The following CERS4 variants were observed in gnomAD, a reference collection of about 807,000 sequenced individuals.
The protein encoded by CERS4 is ceramide synthase 4, also known as LAG1 homolog, ceramide synthase 4.
Under a neutral mutation model 51.8 loss-of-function variants are expected in CERS4, and 65 were observed. The ratio of observed to expected loss-of-function variants is 1.26; its 90% CI spans 1.03 to 1.54. CERS4 has a LOEUF of 1.54. Among genes scored for constraint, CERS4 ranks in the 40% most tolerant of loss-of-function variants. The probability of loss-of-function intolerance (pLI) is 0.00; values close to 1 mark genes in which losing one functional copy is unlikely to be tolerated. For missense variants in CERS4, 563 were observed against 500.4 expected, an observed-to-expected ratio of 1.13 and a Z score of -1.19; for synonymous variants, 228 against 208.4, an observed-to-expected ratio of 1.09 and a Z score of -0.81.
intron 3 of CERS4, among the ~76,000 whole-genome samples, chr19:8,252,123 C>G (rs1249275410): frequency 6.6e-6 from 1 of 151,676 alleles, no homozygotes; most frequent in Non-Finnish European, 1.5e-5. Context: ...GTAATCCCAG[C>G]ACTTTGGGAG....
chr19:8,255,791 G>T lies in CERS4; in HGVS notation c.411-31G>T, dbSNP rs777433677. 5.6e-6 allele frequency: 9 copies of T among 1,613,422 alleles called. No homozygotes were observed. In the Admixed American group the frequency reaches 1.2e-4, roughly 21 times the overall value. ...CCGGGGTGGGGCGGGGCGGGTGTCT[G>T]CTATTTTCACAGCTCCCTCCCCATC... is the stretch of plus-strand genomic sequence containing the variant. On this transcript the variant is annotated intron_variant, in intron 5 of 11. Coordinates refer to ENST00000251363, the MANE Select transcript of CERS4 (RefSeq NM_024552.3).
At chr19:8,250,978 G>A (rs1287203247) in intron 2 of CERS4, 98 bp from the exon 3 acceptor site, 70 of 1,485,180 alleles carry the variant, frequency 4.7e-5, no homozygotes, top group Non-Finnish European at 6.3e-5. Flanking sequence ...GCTGATAGGG[G>A]CCCGAGTAGG....
At chr19:8,214,749 G>A (rs1428316287) in intron 2 of CERS4, among the ~76,000 whole-genome samples, 1 of 152,056 alleles carries the variant, frequency 6.6e-6, no homozygotes, top group Non-Finnish European at 1.5e-5. Flanking sequence ...GAGGAAGCTG[G>A]CAGGAGGAAG....
In CERS4 at chr19:8,254,614, G is replaced by T. The variant is rs752937801; in HGVS notation, c.289G>T (p.Glu97Ter). Residue 97 changes from glutamate to a stop codon, truncating the protein, a stop_gained and splice_region_variant, in exon 4 of 12, where the codon GAG (glutamate) becomes TAG (stop). Coordinates refer to ENST00000251363, the MANE Select transcript of CERS4 (RefSeq NM_024552.3). LOFTEE classifies it high-confidence loss of function. ...CCTCACGGAAGGGCACAGGCCCAAG[G>T]AGGTGAGAGCCCCCCATGCCCTCCG... The part of the protein sequence containing the change: ...HFLTEGHRPK[E>*]PQLSLLAAQC... 1.9e-6 allele frequency: 3 copies of T among 1,605,642 alleles called. No homozygotes were observed. The highest frequency in any genetic ancestry group is 3.4e-5 in the Admixed American group (2 of 58,992).
chr19:8,228,920 AG>A (rs1967895354), intron 2 of CERS4, among the ~76,000 whole-genome samples: 1 of 151,048 alleles, frequency 6.6e-6, no homozygotes, highest in Non-Finnish European at 1.5e-5. Flanking sequence ...GCTACTTGGG[AG>A]GCTGAGGCAG....
Position 8,255,590 on chromosome 19 carries a change from C to T in CERS4, c.292-17C>T. ...ACAGGGCCTCTGTGACCCTTGTCCT[C>T]ATCACCCCCTCCCCAGCCCCAGCTG... On this transcript the variant is annotated splice_polypyrimidine_tract_variant and intron_variant, in intron 4 of 11. Coordinates refer to ENST00000251363, the MANE Select transcript of CERS4 (RefSeq NM_024552.3). The T allele has an allele frequency of 1.2e-6, 2 of 1,602,498 alleles. No individual in the cohort carries two copies. The highest frequency in any genetic ancestry group is 1.7e-6 in the Non-Finnish European group (2 of 1,174,670).
chr19:8,236,190 G>A (rs1968244720), intron 2 of CERS4, among the ~76,000 whole-genome samples: 1 of 152,072 alleles, frequency 6.6e-6, no homozygotes, highest in Admixed American at 6.6e-5. Flanking sequence ...GTGAGACTCT[G>A]TCTCAAAACA....
In CERS4 at chr19:8,261,784, G is replaced by A. The variant is rs1286810106; in HGVS notation, c.945G>A (p.Leu315=). The A allele has an allele frequency of 6.2e-7, 1 of 1,614,166 alleles. No individual in the cohort carries two copies. Among genetic ancestry groups the A allele is most frequent in the South Asian group, 1.1e-5 (1 of 91,088 alleles). Reference sequence around the variant, plus strand: ...GGCTTCTGATGTTGCTGCAGCTGCTGCACGTGTTCTGGTCTTGCCTCATTC... The same window carrying A: ...GGCTTCTGATGTTGCTGCAGCTGCTACACGTGTTCTGGTCTTGCCTCATTC... The part of the protein sequence containing the change: ...FNGLLMLLQL[L]HVFWSCLILR... Residue 315 remains leucine, a synonymous_variant, in exon 11 of 12, where the codon CTG becomes CTA. Coordinates refer to ENST00000251363, the MANE Select transcript of CERS4 (RefSeq NM_024552.3).
chr19:8,218,913 A>G (rs923675119), intron 2 of CERS4, among the ~76,000 whole-genome samples: 3 of 152,100 alleles, frequency 2.0e-5, no homozygotes, highest in Non-Finnish European at 4.4e-5. Context: ...GGGTATCAAG[A>G]TGGTGACTTG....
intron 2 of CERS4, among the ~76,000 whole-genome samples, chr19:8,226,764 A>G (rs1017496904): frequency 6.6e-6 from 1 of 152,120 alleles, no homozygotes; most frequent in Non-Finnish European, 1.5e-5. Context: ...AGGCTGAGGC[A>G]GGCGGATTGC....
At chr19:8,261,371 T>C in intron 10 of CERS4, 1 of 321,350 alleles carries the variant, frequency 3.1e-6, no homozygotes, top group Non-Finnish European at 5.8e-6. Flanking sequence ...GGGGAGGTGA[T>C]GGGGGTCTGA....
chr19:8,257,698 G>A (rs1408486290), intron 9 of CERS4, among the ~76,000 whole-genome samples, 181 bp from the exon 10 acceptor site: 2 of 152,252 alleles, frequency 1.3e-5, no homozygotes, highest in East Asian at 3.9e-4. Context: ...CCAAAGTGCT[G>A]GGATTACAGG....
intron 2 of CERS4, among the ~76,000 whole-genome samples, chr19:8,231,850 C>CTTTTTTTTTTT (rs1568509577): frequency 1.4e-5 from 1 of 71,256 alleles, no homozygotes; most frequent in African/African-American, 6.0e-5. Flanking sequence ...CTGTGCCCAG[C>CTTTTTTTTTTT]ATTTTTTTTT....
chr19:8,218,194 A>G lies in CERS4; in HGVS notation c.-2+7332A>G, dbSNP rs533936871. 7.2e-5 allele frequency among the ~76,000 whole-genome samples: 11 copies of G among 152,126 alleles called. No individual in the cohort carries two copies. In the South Asian group the frequency reaches 2.3e-3, roughly 32 times the overall value. ...TGGCCAGGCTGGTCTTGAACTCCTG[A>G]CCTCAGGTGATCTGCCCACCTTGGC... is the stretch of plus-strand genomic sequence containing the variant. On this transcript the variant is annotated intron_variant, in intron 2 of 11. Coordinates refer to ENST00000251363, the MANE Select transcript of CERS4 (RefSeq NM_024552.3).
intron 2 of CERS4, among the ~76,000 whole-genome samples, chr19:8,247,604 G>A (rs1968845418): frequency 6.6e-6 from 1 of 152,052 alleles, no homozygotes. Flanking sequence ...ATTTTTTGTA[G>A]AGACAGGGTC....
chr19:8,217,625 C>T (rs9749116), intron 2 of CERS4, among the ~76,000 whole-genome samples: 3,184 of 151,904 alleles, frequency 0.021, 105 homozygotes, highest in African/African-American at 0.072. Flanking sequence ...CAAGCTCCGC[C>T]TCCCGGGTTC....
chr19:8,247,332 G>C (rs1968831847), intron 2 of CERS4, among the ~76,000 whole-genome samples: 2 of 151,548 alleles, frequency 1.3e-5, no homozygotes, highest in African/African-American at 4.8e-5. Flanking sequence ...CCCAGGCATG[G>C]TCCTGCCTCA....
At chr19:8,256,156 G>T in intron 6 of CERS4, 80 bp from the exon 7 acceptor site, 1 of 1,426,506 alleles carries the variant, frequency 7.0e-7, no homozygotes, top group South Asian at 1.2e-5. Context: ...GACTGTGGAA[G>T]GAGAACCAAA....
rs764990985 is a variant in CERS4 at position 8,251,249 on chromosome 19, GGTGA to G, written c.173+4_173+7del. ...CTGGCCATGCGCCTTGCCTTTGAGA[GGTGA>G]GTGTCTGCCCTGCCGCAATCCATTG... On this transcript the variant is annotated splice_donor_variant and splice_donor_region_variant and intron_variant, in intron 3 of 11. Transcript: ENST00000251363. LOFTEE classifies it high-confidence loss of function. 112 of 1,597,618 alleles carry G rather than the reference GGTGA, an allele frequency of 7.0e-5. No individual in the cohort carries two copies. Among genetic ancestry groups the G allele is most frequent in the Non-Finnish European group, 9.4e-5 (110 of 1,172,334 alleles).
Sources: allele counts gnomAD v4.1 joint callset (sites outside exome capture counted in the v4.1 genomes callset), GRCh38; gene constraint gnomAD v4.1.1; transcripts MANE v1.5; gene names NCBI Gene and HGNC (gene_info 2026-07-23, HGNC 2026-07-21).